The following DNM3 variants were observed in gnomAD, a reference collection of about 807,000 sequenced individuals.
DNM3 encodes the protein dynamin-3.
DNM3 carries 47 observed loss-of-function variants against 101.6 expected under a neutral mutation model. That is an observed-to-expected ratio of 0.46 (90% CI 0.37 to 0.59). The LOEUF is 0.59. Among genes scored for constraint, DNM3 ranks in the 20% least tolerant of loss-of-function variants. The probability of loss-of-function intolerance (pLI) is 0.00; values close to 1 mark genes in which losing one functional copy is unlikely to be tolerated. For missense variants in DNM3, 849 were observed against 1,085.7 expected (o/e 0.78, Z 3.06); for synonymous variants, 385 against 387.9 (o/e 0.99, Z 0.09).
chr1:172,236,639 G>A (rs1573070466), intron 14 of DNM3, among the ~76,000 whole-genome samples: 1 of 151,754 alleles, frequency 6.6e-6, no homozygotes, highest in African/African-American at 2.4e-5. Context: ...AGAAGAAGGG[G>A]GTAGAGAAGA....
chr1:171,973,193 T>G lies in DNM3; in HGVS notation c.236-14463T>G, dbSNP rs539027033. On this transcript the variant is annotated intron_variant, in intron 2 of 20. Transcript: ENST00000627582. ...CAAAGAAGATGTTAAAAGCTAAGAA[T>G]TGGAATCAAAGCCTCTTGGAGGGGA... Among the ~76,000 whole-genome samples, 130 of 152,202 alleles carry G rather than the reference T, an allele frequency of 8.5e-4. 1 individual carries two copies. The highest frequency in any genetic ancestry group is 2.9e-3 in the African/African-American group (119 of 41,526).
chr1:172,109,154 C>A (rs545753004), intron 13 of DNM3, among the ~76,000 whole-genome samples: 1 of 152,048 alleles, frequency 6.6e-6, no homozygotes, highest in East Asian at 1.9e-4. Context: ...AGTTTAATAT[C>A]GAGTCATTTT....
At chr1:171,930,423 A>G (rs548365522) in intron 2 of DNM3, among the ~76,000 whole-genome samples, 1 of 152,210 alleles carries the variant, frequency 6.6e-6, no homozygotes, top group East Asian at 1.9e-4. Context: ...CTGCTTTGCC[A>G]TAGTTGCAGC....
At position 172,292,507 on chromosome 1, in the gene DNM3, A is replaced by G. The variant is rs114431794; in HGVS notation, c.1770-16221A>G. Among the ~76,000 whole-genome samples, 1,369 of 152,290 alleles carry G rather than the reference A, an allele frequency of 9.0e-3. 5 individuals carry two copies. Among genetic ancestry groups the G allele is most frequent in the Middle Eastern group, 0.037 (11 of 294 alleles). The stretch of plus-strand genomic sequence containing the variant: ...TTTTAAAATAGAACAAATGCATAGG[A>G]GAGCTAAAAGGATGTTGCATTAATT... On this transcript the variant is annotated intron_variant, in intron 15 of 20. Coordinates refer to ENST00000627582, the MANE Select transcript of DNM3 (RefSeq NM_015569.5).
chr1:172,280,821 G>A lies in DNM3; in HGVS notation c.1769+27139G>A, dbSNP rs186122288. ...AGATTTTAGAAATACACACATGCAT[G>A]CATACATGCACACACAGAGTGAGAG... On this transcript the variant is annotated intron_variant, in intron 15 of 20. Transcript: ENST00000627582. Among the ~76,000 whole-genome samples, 536 of 152,250 alleles carry A rather than the reference G, an allele frequency of 3.5e-3. 3 individuals are homozygous for A. Among genetic ancestry groups the A allele is most frequent in the Admixed American group, 0.012 (180 of 15,278 alleles).
chr1:172,418,269 T>C (rs1193840758), intron 20 of DNM3: 2 of 1,289,096 alleles, frequency 1.6e-6, no homozygotes, highest in Non-Finnish European at 2.0e-6. Flanking sequence ...TGTTTTGTTT[T>C]GTTTTTACTA....
chr1:172,389,670 A>G (rs1450904678), intron 20 of DNM3, among the ~76,000 whole-genome samples: 2 of 152,224 alleles, frequency 1.3e-5, no homozygotes, highest in Non-Finnish European at 2.9e-5. Context: ...AAAAAATTCA[A>G]TTCAGAGAAT....
downstream of DNM3, among the ~76,000 whole-genome samples, chr1:172,414,154 T>A (rs1277173089): frequency 2.0e-5 from 3 of 152,240 alleles, no homozygotes; most frequent in Admixed American, 2.0e-4. Context: ...GAAACGTGTT[T>A]AGTATTTGGT....
chr1:171,930,682 T>A (rs955043397), intron 2 of DNM3, among the ~76,000 whole-genome samples: 10 of 150,912 alleles, frequency 6.6e-5, no homozygotes, highest in African/African-American at 2.4e-4. Flanking sequence ...TGATCCCAGG[T>A]GGGCCATTGT....
chr1:172,269,796 C>G (rs1474858448), intron 15 of DNM3, among the ~76,000 whole-genome samples: 2 of 152,118 alleles, frequency 1.3e-5, no homozygotes, highest in Non-Finnish European at 2.9e-5. Context: ...CGTGGGGCCC[C>G]CAGGCTGAAG....
chr1:172,135,322 T>C (rs560525636), intron 14 of DNM3, among the ~76,000 whole-genome samples: 5 of 152,176 alleles, frequency 3.3e-5, no homozygotes, highest in African/African-American at 1.2e-4. Flanking sequence ...TGAATGAAGG[T>C]GTCATTGAGC....
At chr1:172,292,987 G>A (rs951199808) in intron 15 of DNM3, among the ~76,000 whole-genome samples, 2 of 152,210 alleles carry the variant, frequency 1.3e-5, no homozygotes, top group African/African-American at 4.8e-5. Context: ...AGGTGGTAAT[G>A]AGGAAGCTGT....
intron 17 of DNM3, among the ~76,000 whole-genome samples, chr1:172,352,243 A>G (rs961366889): frequency 3.3e-5 from 5 of 152,232 alleles, no homozygotes; most frequent in Admixed American, 6.5e-5. Context: ...GGATTTGCCT[A>G]TGAAGGTAGA....
intron 2 of DNM3, among the ~76,000 whole-genome samples, chr1:171,959,385 G>T (rs1043514431): frequency 6.6e-6 from 1 of 152,096 alleles, no homozygotes; most frequent in African/African-American, 2.4e-5. Flanking sequence ...TCTAGCTTGG[G>T]TTACGGGATC....
downstream of DNM3, among the ~76,000 whole-genome samples, chr1:172,413,420 G>T (rs1018897939): frequency 6.6e-6 from 1 of 152,202 alleles, no homozygotes; most frequent in East Asian, 1.9e-4. Flanking sequence ...GTAGAGACGG[G>T]GTTTCACCAT....
chr1:171,841,859 G>A (rs574192716), intron 1 of DNM3, 42 bp downstream of exon 1: 1 of 1,574,174 alleles, frequency 6.4e-7, no homozygotes, highest in South Asian at 1.1e-5. Context: ...GCAGTGGGGC[G>A]ACCCCGCTGC....
intron 2 of DNM3, among the ~76,000 whole-genome samples, chr1:171,966,907 C>T (rs933555534): frequency 6.6e-6 from 1 of 152,090 alleles, no homozygotes; most frequent in Non-Finnish European, 1.5e-5. Context: ...ATAAAGCCAG[C>T]CTTCTGTTCA....
At chr1:172,003,373 A>G (rs1209135961) in intron 4 of DNM3, among the ~76,000 whole-genome samples, 1 of 152,084 alleles carries the variant, frequency 6.6e-6, no homozygotes, top group Non-Finnish European at 1.5e-5. Context: ...TTATAAAAAC[A>G]TATTCTACAA....
chr1:172,343,668 T>C (rs2066794640), intron 17 of DNM3, among the ~76,000 whole-genome samples: 1 of 152,156 alleles, frequency 6.6e-6, no homozygotes, highest in Non-Finnish European at 1.5e-5. Flanking sequence ...AAAAAGCAGA[T>C]TTTTTCCCAT....
Sources: gnomAD v4.1 joint callset for allele counts (sites outside exome capture counted in the v4.1 genomes callset) on GRCh38, gnomAD v4.1.1 for gene constraint, MANE v1.5 for transcripts, NCBI Gene and HGNC (gene_info 2026-07-23, HGNC 2026-07-21) for gene names.